The following PFKFB2 variants were observed in gnomAD, a reference collection of about 807,000 sequenced individuals.
PFKFB2 encodes 6-phosphofructo-2-kinase/fructose-2,6-biphosphatase 2.
In PFKFB2, 53 loss-of-function variants were observed where a neutral mutation model predicts 68.0. That is an observed-to-expected ratio of 0.78 (90% confidence interval 0.63 to 0.98). The LOEUF (loss-of-function observed/expected upper bound fraction) is 0.98, where lower values mean the gene tolerates loss of function less well. PFKFB2 is among the 50% of genes least tolerant of loss of function. The probability of loss-of-function intolerance (pLI) is 0.00; values close to 1 mark genes in which losing one functional copy is unlikely to be tolerated. For missense variants in PFKFB2, 451 were observed against 642.0 expected (o/e 0.70, Z 3.22); for synonymous variants, 222 against 227.6 (o/e 0.98, Z 0.22).
In PFKFB2 at chr1:207,065,236, C is replaced by T. The variant is rs1683249551; in HGVS notation, c.632+76C>T. The T allele has an allele frequency of 1.9e-6, 3 of 1,573,864 alleles. No homozygotes were observed. The Admixed American group carries it at 5.5e-5, about 29-fold the overall frequency. On this transcript the variant is annotated intron_variant, in intron 8 of 14. Transcript: ENST00000367080. ...GGAAAATAACCTTTCTCCCTGAGTT[C>T]TCTAACTTCCTTCTGATAATCTAGA...
At chr1:207,050,142 A>G (rs1682702237), upstream of PFKFB2, among the ~76,000 whole-genome samples, 1 of 152,232 alleles carries the variant, frequency 6.6e-6, no homozygotes, top group Admixed American at 6.5e-5. Flanking sequence ...GAAAGCTTTT[A>G]ATTATAAACA....
chr1:207,050,108 T>C (rs1437064010), upstream of PFKFB2, among the ~76,000 whole-genome samples: 6 of 152,220 alleles, frequency 3.9e-5, no homozygotes, highest in African/African-American at 1.2e-4. Context: ...CTAGAGTGTT[T>C]ACAACATCCT....
At chr1:207,042,601 C>CT (rs2102318020) in intron 2 of PFKFB2, among the ~76,000 whole-genome samples, 1 of 139,270 alleles carries the variant, frequency 7.2e-6, no homozygotes, top group Non-Finnish European at 1.5e-5. Context: ...TTCCTTTTTC[C>CT]TGCTCTTTCA....
intron 9 of PFKFB2, 90 bp downstream of exon 9, chr1:207,067,796 C>G: frequency 9.1e-7 from 1 of 1,094,146 alleles, no homozygotes; most frequent in East Asian, 2.4e-5. Flanking sequence ...TACTTAAATC[C>G]CATTTGGACG....
At chr1:207,059,139 G>T (rs1467022019) in intron 2 of PFKFB2, among the ~76,000 whole-genome samples, 4 of 152,186 alleles carry the variant, frequency 2.6e-5, no homozygotes, top group African/African-American at 9.7e-5. Context: ...TTGCTGGAGG[G>T]CTCTTGGGAG....
At chr1:207,048,488 T>C (rs61815042), upstream of PFKFB2, 1,574 of 154,356 alleles carry the variant, frequency 0.01, 12 homozygotes, top group Non-Finnish European at 0.017. Flanking sequence ...ACTTAACTCA[T>C]TCAGAGTTTT....
At chr1:207,035,090 T>G in intron 1 of PFKFB2, 1 of 870,814 alleles carries the variant, frequency 1.1e-6, no homozygotes, top group Non-Finnish European at 1.4e-6. Flanking sequence ...GGTATGTGTG[T>G]CATTGCTCTT....
At chr1:207,065,233 G>A in intron 8 of PFKFB2, 73 bp downstream of exon 8, 2 of 1,579,826 alleles carry the variant, frequency 1.3e-6, no homozygotes, top group Non-Finnish European at 1.7e-6. Flanking sequence ...TTCTCCCTGA[G>A]TTCTCTAACT....
At chr1:207,071,331 C>T in intron 13 of PFKFB2, 81 bp downstream of exon 13, 1 of 1,262,712 alleles carries the variant, frequency 7.9e-7, no homozygotes, top group Non-Finnish European at 1.2e-6. Flanking sequence ...TAGAGTTCAG[C>T]TTCATTATCC....
Position 207,072,269 on chromosome 1 carries a change from T to C in PFKFB2, c.1416T>C (p.Ser472=). 6.2e-7 allele frequency: 1 copy of C among 1,614,150 alleles called. No individual in the cohort carries two copies. Residue 472 remains serine, a synonymous_variant, in exon 15 of 15, where the codon AGT becomes AGC. Coordinates refer to ENST00000367080, the MANE Select transcript of PFKFB2 (RefSeq NM_006212.2). ...MRRNSFTPLS[S]SNTIRRPRNY... ...GGAACAGCTTTACGCCTCTGTCCAGTTCGAATACAATAAGGCGTCCAAGAA... is the reference window on the plus strand; with the variant it reads ...GGAACAGCTTTACGCCTCTGTCCAGCTCGAATACAATAAGGCGTCCAAGAA...
rs1683424547 is a variant in PFKFB2, at chr1:207,070,174, C to T, written c.1093-106C>T. 3.0e-6 allele frequency: 4 copies of T among 1,354,118 alleles called. No homozygotes were observed. The East Asian group carries it at 1.0e-4, about 34-fold the overall frequency. The allele number at this position is 1,354,118 out of a possible 1,614,324, so 83.9% of individuals were successfully genotyped here. A position where few individuals can be genotyped will look rare whatever the true frequency, so the allele number is the denominator to read the frequency against. On this transcript the variant is annotated intron_variant, in intron 11 of 14. Transcript: ENST00000367080. This position sits in a 1 kb window ranked among gnomAD's most constrained non-coding sequence, Gnocchi z 4.2. ...ACTCACTGAGCCTCCAGGAGGAAAGCCAGCTGAGGAAGAAGAAGTGGCCCT... is the reference window on the plus strand; with the variant it reads ...ACTCACTGAGCCTCCAGGAGGAAAGTCAGCTGAGGAAGAAGAAGTGGCCCT...
At chr1:207,066,223 A>G (rs1683285981) in intron 8 of PFKFB2, among the ~76,000 whole-genome samples, 1 of 152,232 alleles carries the variant, frequency 6.6e-6, no homozygotes, top group Non-Finnish European at 1.5e-5. Context: ...TATATGAGCC[A>G]TAACAAAACC....
chr1:207,054,687 C>T lies in PFKFB2; in HGVS notation c.-17-14C>T. ...TTCCCCTTCCCTTTTTTACATTCTA[C>T]TTCTCTGTTTCAGACATCTGAAGAG... On this transcript the variant is annotated splice_polypyrimidine_tract_variant and intron_variant, in intron 1 of 14. Transcript: ENST00000367080. 1 of 1,547,108 alleles carries T rather than the reference C, an allele frequency of 6.5e-7. No homozygotes were observed. Among genetic ancestry groups the T allele is most frequent in the Non-Finnish European group, 8.9e-7 (1 of 1,122,086 alleles).
intron 9 of PFKFB2, 66 bp from the exon 10 acceptor site, chr1:207,068,095 AGT>A (rs4030464): frequency 0.036 from 37,448 of 1,027,948 alleles, 324 homozygotes; most frequent in Admixed American, 0.15. Context: ...GTGTGTGTTG[AGT>A]GTGTGTGTGT....
At chr1:207,053,904 A>ATTT (rs574695365) in intron 1 of PFKFB2, among the ~76,000 whole-genome samples, 21 of 97,906 alleles carry the variant, frequency 2.1e-4, no homozygotes, top group African/African-American at 6.9e-4. Flanking sequence ...TTCATTTTTC[A>ATTT]TTTTTTTTTT....
rs1683348748 is a variant in PFKFB2, at chr1:207,068,089, G to A, written c.841-74G>A. ...AAGTTAGCAGGCTTTGTGTATGTGT[G>A]TGTTGAGTGTGTGTGTGTGTGTGTG... On this transcript the variant is annotated intron_variant, in intron 9 of 14. Coordinates refer to ENST00000367080, the MANE Select transcript of PFKFB2 (RefSeq NM_006212.2). 1.1e-5 allele frequency: 10 copies of A among 894,556 alleles called. No individual in the cohort carries two copies. In the South Asian group the frequency reaches 1.8e-4, roughly 16 times the overall value. 55.4% of individuals were successfully genotyped at this position (894,556 alleles called of 1,614,324 possible). A position where few individuals can be genotyped will look rare whatever the true frequency, so the allele number is the denominator to read the frequency against.
At position 207,073,674 on chromosome 1, in the gene PFKFB2, A is replaced by G. The variant is rs1341975610; in HGVS notation, c.*1303A>G. On this transcript the variant is annotated 3_prime_UTR_variant, in exon 15 of 15. Transcript: ENST00000367080. Reference sequence around the variant, plus strand: ...AAGTCCTTGGAACCCTGTGGGATCTAGCTCGTAACTGTTTGTATTTCTCTA... The same window carrying G: ...AAGTCCTTGGAACCCTGTGGGATCTGGCTCGTAACTGTTTGTATTTCTCTA... 1 of 984,854 alleles carries G rather than the reference A, an allele frequency of 1.0e-6. No individual in the cohort carries two copies. 61.0% of individuals were successfully genotyped at this position (984,854 alleles called of 1,614,324 possible). A position where few individuals can be genotyped will look rare whatever the true frequency, so the allele number is the denominator to read the frequency against.
At chr1:207,048,940 G>C, upstream of PFKFB2, 3 of 1,278,064 alleles carry the variant, frequency 2.3e-6, no homozygotes, top group African/African-American at 1.5e-5. Context: ...TTGTTCTTTA[G>C]GGTTACCATA....
At chr1:207,050,848 C>G, upstream of PFKFB2, 1 of 1,612,920 alleles carries the variant, frequency 6.2e-7, no homozygotes, top group Non-Finnish European at 8.5e-7. Flanking sequence ...TGGACAGCCC[C>G]TGCAAAACAT....
Sources: allele counts gnomAD v4.1 joint callset (sites outside exome capture counted in the v4.1 genomes callset), GRCh38; gene constraint gnomAD v4.1.1; non-coding constraint Gnocchi (gnomAD v3.1); transcripts MANE v1.5; gene names NCBI Gene and HGNC (gene_info 2026-07-23, HGNC 2026-07-21).